The following QKI variants were observed in gnomAD, a reference collection of about 807,000 sequenced individuals.
QKI encodes QKI, KH domain containing RNA binding, also known as KH domain-containing RNA-binding protein QKI.
A neutral mutation model predicts 39.0 loss-of-function variants in QKI; 10 were observed. The ratio of observed to expected loss-of-function variants is 0.26; its 90% CI spans 0.16 to 0.43. The LOEUF is 0.43. QKI is among the 20% of genes least tolerant of loss of function. The pLI is 1.00. For synonymous variants in QKI, 204 were observed against 155.4 expected (o/e 1.31, Z -2.33); for missense variants, 218 against 428.0 (o/e 0.51, Z 4.33).
At chr6:163,538,425 G>A (rs549302460) in intron 4 of QKI, among the ~76,000 whole-genome samples, 17 of 152,286 alleles carry the variant, frequency 1.1e-4, no homozygotes, top group South Asian at 2.1e-4. Context: ...AGCGAAAAGT[G>A]CGGTGGCCCT....
chr6:163,479,039 A>T, intron 3 of QKI, 143 bp downstream of exon 3: 2 of 603,488 alleles, frequency 3.3e-6, no homozygotes, highest in Non-Finnish European at 5.6e-6. Flanking sequence ...TAATCCCAGC[A>T]CTTTGGGAGG....
At chr6:163,534,639 G>A (rs1168228450) in intron 3 of QKI, among the ~76,000 whole-genome samples, 1 of 152,170 alleles carries the variant, frequency 6.6e-6, no homozygotes, top group African/African-American at 2.4e-5. Context: ...TCATGGTAAT[G>A]TAAGGACAGT....
At chr6:163,546,922 C>T (rs897559757) in intron 4 of QKI, among the ~76,000 whole-genome samples, 6 of 152,040 alleles carry the variant, frequency 3.9e-5, no homozygotes, top group East Asian at 3.9e-4. Flanking sequence ...ATTCTCTTAA[C>T]GTTTAAAACC....
At chr6:163,467,855 A>G (rs998730065) in intron 2 of QKI, among the ~76,000 whole-genome samples, 11 of 152,158 alleles carry the variant, frequency 7.2e-5, no homozygotes, top group African/African-American at 2.4e-4. Flanking sequence ...ATGCTTCTCA[A>G]TTTATGATGG....
rs1005191018 is a variant in QKI, at chr6:163,573,573, A to G, written c.*2863A>G. The stretch of plus-strand genomic sequence containing the variant: ...TGATTGAGAAAAGGATACAAAATGC[A>G]AAATCCACAATTTTGATAACTGAAA... On this transcript the variant is annotated 3_prime_UTR_variant, in exon 8 of 8. Transcript: ENST00000361752. 6.6e-6 allele frequency: 1 copy of G among 152,248 alleles called. No homozygotes were observed. Among genetic ancestry groups the G allele is most frequent in the Non-Finnish European group, 1.5e-5 (1 of 68,046 alleles). The allele number at this position is 152,248 out of a possible 1,614,324, so 9.4% of individuals were successfully genotyped here.
intron 1 of QKI, chr6:163,415,859 T>C (rs1203015438): frequency 2.0e-6 from 1 of 498,898 alleles, no homozygotes; most frequent in Non-Finnish European, 4.0e-6. Context: ...GGTTTCGTGG[T>C]TGGGGAGTTG....
chr6:163,480,257 C>G (rs150253136), intron 3 of QKI, among the ~76,000 whole-genome samples: 74 of 151,334 alleles, frequency 4.9e-4, no homozygotes, highest in African/African-American at 1.7e-3. Context: ...CTGTCTGTCT[C>G]TTTCTCTCTC....
At chr6:163,417,667 A>G (rs1001639522) in intron 1 of QKI, among the ~76,000 whole-genome samples, 19 of 152,188 alleles carry the variant, frequency 1.2e-4, no homozygotes, top group Non-Finnish European at 2.1e-4. Context: ...GTAAGAGACC[A>G]CTATGATATC....
At chr6:163,415,419 AAG>A (rs1787363399) in intron 1 of QKI, 84 bp downstream of exon 1, 1 of 1,352,536 alleles carries the variant, frequency 7.4e-7, no homozygotes, top group Non-Finnish European at 9.9e-7. Flanking sequence ...GGAGGGCGGG[AAG>A]GTCACGGCCG....
At chr6:163,516,067 G>A (rs1043315275) in intron 3 of QKI, among the ~76,000 whole-genome samples, 6 of 152,078 alleles carry the variant, frequency 3.9e-5, no homozygotes, top group Admixed American at 6.6e-5. Context: ...GTAACTAAAT[G>A]TGGTATTCTA....
intron 2 of QKI, 52 bp downstream of exon 2, chr6:163,455,473 G>A: frequency 6.7e-7 from 1 of 1,500,446 alleles, no homozygotes; most frequent in Non-Finnish European, 9.1e-7. Context: ...ACATATGTTG[G>A]GAAGAGATAT....
chr6:163,504,212 T>C (rs1400569150), intron 3 of QKI, among the ~76,000 whole-genome samples: 1 of 152,178 alleles, frequency 6.6e-6, no homozygotes, highest in Non-Finnish European at 1.5e-5. Context: ...GTTCCATTGG[T>C]CTTTATGTCT....
At chr6:163,505,966 G>T (rs1444479422) in intron 3 of QKI, among the ~76,000 whole-genome samples, 1 of 152,074 alleles carries the variant, frequency 6.6e-6, no homozygotes, top group Non-Finnish European at 1.5e-5. Context: ...GAGGTGATTG[G>T]ATCATAGGGG....
chr6:163,554,059 G>A (rs2128247408), intron 4 of QKI, among the ~76,000 whole-genome samples: 1 of 152,302 alleles, frequency 6.6e-6, no homozygotes, highest in South Asian at 2.1e-4. Flanking sequence ...AAGAAAGCCT[G>A]TGTAATGATG....
At chr6:163,417,032 C>T (rs1209908817) in intron 1 of QKI, among the ~76,000 whole-genome samples, 1 of 152,116 alleles carries the variant, frequency 6.6e-6, no homozygotes, top group African/African-American at 2.4e-5. Flanking sequence ...GTAACATACT[C>T]AATCTGACTG....
At chr6:163,478,672 A>G in intron 2 of QKI, 108 bp from the exon 3 acceptor site, 1 of 739,904 alleles carries the variant, frequency 1.4e-6, no homozygotes, top group Non-Finnish European at 2.2e-6. Flanking sequence ...ACTTAGTATT[A>G]AAAAGACATT....
At chr6:163,509,777 A>G (rs1447852274) in intron 3 of QKI, among the ~76,000 whole-genome samples, 1 of 152,188 alleles carries the variant, frequency 6.6e-6, no homozygotes, top group Non-Finnish European at 1.5e-5. Context: ...AAGCTAAGGA[A>G]CAAAATACAG....
At chr6:163,504,607 T>C (rs1778981578) in intron 3 of QKI, among the ~76,000 whole-genome samples, 2 of 152,184 alleles carry the variant, frequency 1.3e-5, no homozygotes, top group Admixed American at 6.5e-5. Flanking sequence ...TTCTAGGTTT[T>C]GAGGGTGTGA....
chr6:163,532,557 A>G lies in QKI; in HGVS notation c.403-2425A>G, dbSNP rs779067581. Among the ~76,000 whole-genome samples, 63 of 152,356 alleles carry G rather than the reference A, an allele frequency of 4.1e-4. 1 individual carries two copies. Among genetic ancestry groups the G allele is most frequent in the Admixed American group, 7.2e-4 (11 of 15,308 alleles). ...TTGGTCTTACTTTTAAAATGTATTT[A>G]GTTGTACTGGAACAATGCTTAGATT... is the stretch of plus-strand genomic sequence containing the variant. On this transcript the variant is annotated intron_variant, in intron 3 of 7. Transcript: ENST00000361752.
Sources: gnomAD v4.1 joint callset for allele counts (sites outside exome capture counted in the v4.1 genomes callset) on GRCh38, gnomAD v4.1.1 for gene constraint, MANE v1.5 for transcripts, NCBI Gene and HGNC (gene_info 2026-07-23, HGNC 2026-07-21) for gene names.